The following ZDHHC14 variants were observed in gnomAD, a reference collection of about 807,000 sequenced individuals.
The protein encoded by ZDHHC14 is palmitoyltransferase ZDHHC14.
A neutral mutation model predicts 47.7 loss-of-function variants in ZDHHC14; 16 were observed. The ratio of observed to expected loss-of-function variants is 0.34; its 90% confidence interval spans 0.23 to 0.51. The LOEUF (loss-of-function observed/expected upper bound fraction) is 0.51, where lower values mean the gene tolerates loss of function less well. Ranked by LOEUF, ZDHHC14 falls within the 20% of genes least tolerant of loss-of-function variation. ZDHHC14 has a pLI of 0.97. For synonymous variants in ZDHHC14, 293 were observed against 278.9 expected (o/e 1.05, Z -0.50); for missense variants, 515 against 662.5 (o/e 0.78, Z 2.44).
At chr6:157,636,220 C>T (rs186081136) in intron 5 of ZDHHC14, among the ~76,000 whole-genome samples, 21 of 111,060 alleles carry the variant, frequency 1.9e-4, no homozygotes, top group African/African-American at 6.7e-4. Context: ...ACACACACAG[C>T]GCTGTCTATC....
chr6:157,604,321 A>T (rs1784447433), intron 3 of ZDHHC14, among the ~76,000 whole-genome samples: 1 of 150,884 alleles, frequency 6.6e-6, no homozygotes. Context: ...TCTAGAGTTG[A>T]CCTGAAGGAT....
intron 1 of ZDHHC14, among the ~76,000 whole-genome samples, chr6:157,451,057 T>A (rs183253858): frequency 8.8e-4 from 134 of 151,768 alleles, no homozygotes; most frequent in Admixed American, 1.6e-3. Flanking sequence ...GTGTTCTTTA[T>A]GGATGAGATC....
At chr6:157,477,658 C>G (rs1256071678) in intron 1 of ZDHHC14, among the ~76,000 whole-genome samples, 1 of 152,076 alleles carries the variant, frequency 6.6e-6, no homozygotes, top group Non-Finnish European at 1.5e-5. Context: ...GCTAAACAGT[C>G]CTTATTAAGC....
At chr6:157,496,713 A>G (rs978177860) in intron 1 of ZDHHC14, among the ~76,000 whole-genome samples, 3 of 152,136 alleles carry the variant, frequency 2.0e-5, no homozygotes, top group African/African-American at 7.2e-5. Context: ...AAGAACATGG[A>G]CCTGCCACCA....
intron 2 of ZDHHC14, among the ~76,000 whole-genome samples, chr6:157,551,036 C>T (rs1292764442): frequency 6.6e-6 from 1 of 152,082 alleles, no homozygotes; most frequent in Non-Finnish European, 1.5e-5. Flanking sequence ...GACCAAGTGG[C>T]ATGAAGAGGA....
At chr6:157,616,783 G>A (rs1301484488) in intron 3 of ZDHHC14, among the ~76,000 whole-genome samples, 4 of 152,196 alleles carry the variant, frequency 2.6e-5, no homozygotes, top group Non-Finnish European at 4.4e-5. Flanking sequence ...TACAGATGAT[G>A]TCTGGGTGTC....
intron 3 of ZDHHC14, among the ~76,000 whole-genome samples, chr6:157,607,724 T>G (rs1784596091): frequency 6.6e-6 from 1 of 152,222 alleles, no homozygotes; most frequent in South Asian, 2.1e-4. Context: ...GTCCATACTT[T>G]CTTCAGTCCC....
chr6:157,549,842 C>A (rs1193562156), intron 2 of ZDHHC14, among the ~76,000 whole-genome samples: 1 of 152,188 alleles, frequency 6.6e-6, no homozygotes, highest in East Asian at 1.9e-4. Flanking sequence ...GTTATTTATT[C>A]TTCCTATGGA....
At chr6:157,487,110 C>T (rs1779799567) in intron 1 of ZDHHC14, among the ~76,000 whole-genome samples, 1 of 152,232 alleles carries the variant, frequency 6.6e-6, no homozygotes, top group African/African-American at 2.4e-5. Context: ...TAAGCTCTTC[C>T]TCTCTGTCTC....
intron 2 of ZDHHC14, among the ~76,000 whole-genome samples, chr6:157,583,647 G>A (rs1032096935): frequency 2.0e-5 from 3 of 152,138 alleles, no homozygotes; most frequent in African/African-American, 4.8e-5. Flanking sequence ...GCTCCTTGGC[G>A]TTTCCACACA....
intron 1 of ZDHHC14, among the ~76,000 whole-genome samples, chr6:157,474,025 A>G (rs963826545): frequency 3.1e-5 from 4 of 129,918 alleles, no homozygotes; most frequent in African/African-American, 3.0e-5. Context: ...GTCTCGCTCT[A>G]TCGCCCAAGC....
At chr6:157,618,485 C>T (rs1457024944) in intron 3 of ZDHHC14, among the ~76,000 whole-genome samples, 2 of 152,104 alleles carry the variant, frequency 1.3e-5, no homozygotes, top group Non-Finnish European at 2.9e-5. Flanking sequence ...CCACACCCAG[C>T]TAATTTTTGT....
intron 1 of ZDHHC14, among the ~76,000 whole-genome samples, chr6:157,441,586 C>T (rs1275533634): frequency 3.3e-5 from 5 of 152,214 alleles, no homozygotes; most frequent in African/African-American, 9.6e-5. Context: ...CACCTGTAAT[C>T]CCAGCACTTT....
intron 3 of ZDHHC14, among the ~76,000 whole-genome samples, chr6:157,599,680 T>C (rs1784268800): frequency 1.3e-5 from 2 of 152,010 alleles, no homozygotes; most frequent in South Asian, 4.1e-4. Flanking sequence ...AAAGCATCCA[T>C]CTCCAGAAGG....
intron 1 of ZDHHC14, among the ~76,000 whole-genome samples, chr6:157,483,960 C>T (rs1779694194): frequency 6.6e-6 from 1 of 152,054 alleles, no homozygotes; most frequent in Non-Finnish European, 1.5e-5. Context: ...GAATACTATG[C>T]AGCCACAAAA....
At chr6:157,596,565 A>AAATGCCTG (rs1784139879) in intron 3 of ZDHHC14, among the ~76,000 whole-genome samples, 1 of 152,110 alleles carries the variant, frequency 6.6e-6, no homozygotes, top group African/African-American at 2.4e-5. Context: ...TCAAATATAG[A>AAATGCCTG]GTTAGTTGGC....
intron 1 of ZDHHC14, among the ~76,000 whole-genome samples, chr6:157,455,484 T>C (rs761445193): frequency 1.3e-5 from 2 of 152,242 alleles, no homozygotes; most frequent in Non-Finnish European, 2.9e-5. Flanking sequence ...ATGGGAAATC[T>C]GTCCAGACTT....
At chr6:157,416,288 A>G (rs1409363064) in intron 1 of ZDHHC14, among the ~76,000 whole-genome samples, 1 of 152,162 alleles carries the variant, frequency 6.6e-6, no homozygotes, top group Non-Finnish European at 1.5e-5. Flanking sequence ...TGATTTTTCT[A>G]TATATATTTG....
intron 1 of ZDHHC14, among the ~76,000 whole-genome samples, chr6:157,477,151 G>T (rs1779507513): frequency 6.6e-6 from 1 of 152,168 alleles, no homozygotes; most frequent in South Asian, 2.1e-4. Context: ...TAGGCTGAGG[G>T]GGGTGGTCAC....
Sources: gnomAD v4.1 joint callset for allele counts (sites outside exome capture counted in the v4.1 genomes callset) on GRCh38, gnomAD v4.1.1 for gene constraint, MANE v1.5 for transcripts, NCBI Gene and HGNC (gene_info 2026-07-23, HGNC 2026-07-21) for gene names.